PIK3R5: variants seen among roughly 807,000 people sequenced by gnomAD.
PIK3R5 encodes phosphoinositide-3-kinase regulatory subunit 5, also known as phosphoinositide 3-kinase regulatory subunit 5.
In PIK3R5, 32 loss-of-function variants were observed where a neutral mutation model predicts 94.9. That is an observed-to-expected ratio of 0.34 (90% CI 0.25 to 0.45). The LOEUF is 0.45. Ranked by LOEUF, PIK3R5 falls within the 20% of genes least tolerant of loss-of-function variation. PIK3R5 has a pLI of 1.00. For missense variants in PIK3R5, 853 were observed against 1,144.6 expected (o/e 0.75, Z 3.68); for synonymous variants, 443 against 479.4 (o/e 0.92, Z 0.99).
chr17:8,904,771 G>A lies in PIK3R5; in HGVS notation c.412+6C>T. ...TGTCCCCCGTGCCAGCTGCCTCAGTGCTTACCTGGGGCCTTGAGTTCAGCA... is the reference window on the plus strand; with the variant it reads ...TGTCCCCCGTGCCAGCTGCCTCAGTACTTACCTGGGGCCTTGAGTTCAGCA... On this transcript the variant is annotated splice_donor_region_variant and intron_variant, in intron 5 of 18. Coordinates refer to ENST00000447110, the MANE Select transcript of PIK3R5 (RefSeq NM_001142633.3). This position sits in a 1 kb window ranked among gnomAD's most constrained non-coding sequence, Gnocchi z 5.1. 1 of 1,614,034 alleles carries A rather than the reference G, an allele frequency of 6.2e-7. No homozygotes were observed. The highest frequency in any genetic ancestry group is 8.5e-7 in the Non-Finnish European group (1 of 1,179,930).
chr17:8,929,581 A>T (rs1351013679), intron 1 of PIK3R5, among the ~76,000 whole-genome samples: 1 of 152,188 alleles, frequency 6.6e-6, no homozygotes, highest in African/African-American at 2.4e-5. Context: ...ACATAGACAA[A>T]CTCATAATTA....
At chr17:8,895,982 C>A (rs1338370962) in intron 5 of PIK3R5, among the ~76,000 whole-genome samples, 1 of 152,136 alleles carries the variant, frequency 6.6e-6, no homozygotes, top group Admixed American at 6.5e-5. Context: ...GACCTCCCTG[C>A]TTAGCATGGG....
At chr17:8,922,790 G>T (rs1400665551) in intron 1 of PIK3R5, among the ~76,000 whole-genome samples, 4 of 152,110 alleles carry the variant, frequency 2.6e-5, no homozygotes, top group Non-Finnish European at 2.9e-5. Context: ...ACGGTAGCTA[G>T]TGGGCAGGAG....
intron 1 of PIK3R5, among the ~76,000 whole-genome samples, chr17:8,937,322 G>T (rs1249789710): frequency 6.6e-6 from 1 of 152,078 alleles, no homozygotes; most frequent in Non-Finnish European, 1.5e-5. Context: ...CTTTGCCTTG[G>T]TCCCAGTCTT....
intron 1 of PIK3R5, among the ~76,000 whole-genome samples, chr17:8,961,253 GGAA>G (rs2151485587): frequency 6.6e-6 from 1 of 152,300 alleles, no homozygotes; most frequent in South Asian, 2.1e-4. Context: ...CTACAGGAGA[GGAA>G]GAAGGAGGGG....
rs147319813 is a variant in PIK3R5 at position 8,958,395 on chromosome 17, A to G, written c.-14+7201T>C. On this transcript the variant is annotated intron_variant, in intron 1 of 18. Transcript: ENST00000447110. Reference sequence around the variant, plus strand: ...TTACTCCAGAAATGCAGAGGGCTCAATATGTGGAAGCTAATGATCTAATGT... The same window carrying G: ...TTACTCCAGAAATGCAGAGGGCTCAGTATGTGGAAGCTAATGATCTAATGT... 4.8e-3 allele frequency among the ~76,000 whole-genome samples: 734 copies of G among 152,326 alleles called. 4 individuals are homozygous for G. The highest frequency in any genetic ancestry group is 0.017 in the African/African-American group (692 of 41,588).
rs1364439098 is a variant in PIK3R5 at position 8,889,285 on chromosome 17, A to G, written c.812-63T>C. The G allele has an allele frequency of 4.0e-6, 5 of 1,245,340 alleles. No homozygotes were observed. The highest frequency in any genetic ancestry group is 3.5e-6 in the Non-Finnish European group (3 of 867,660). The allele number at this position is 1,245,340 out of a possible 1,614,324, so 77.1% of individuals were successfully genotyped here. Reference sequence around the variant, plus strand: ...AGAGGCCTTGGAGATTGGCCAGTCCAGTCCCCTTGCCTTGGAGAAGAGACC... The same window carrying G: ...AGAGGCCTTGGAGATTGGCCAGTCCGGTCCCCTTGCCTTGGAGAAGAGACC... On this transcript the variant is annotated intron_variant, in intron 8 of 18. Transcript: ENST00000447110. This position sits in a 1 kb window ranked among gnomAD's most constrained non-coding sequence, Gnocchi z 4.1.
At chr17:8,923,904 C>CCCCTT (rs1364324514) in intron 1 of PIK3R5, among the ~76,000 whole-genome samples, 3 of 131,164 alleles carry the variant, frequency 2.3e-5, no homozygotes, top group Non-Finnish European at 4.9e-5. Context: ...CCCCTCCCCT[C>CCCCTT]CCCTTCCCTT....
chr17:8,900,053 G>A (rs954998157), intron 5 of PIK3R5, among the ~76,000 whole-genome samples: 4 of 151,682 alleles, frequency 2.6e-5, no homozygotes, highest in African/African-American at 4.8e-5. Flanking sequence ...AAAAAAAATC[G>A]TGCGAAAGTA....
chr17:8,950,466 G>C (rs2091356879), intron 1 of PIK3R5, among the ~76,000 whole-genome samples: 1 of 152,120 alleles, frequency 6.6e-6, no homozygotes, highest in African/African-American at 2.4e-5. Context: ...CCCACTGAGA[G>C]TCCACAATGT....
chr17:8,901,155 T>C (rs2090273897), intron 5 of PIK3R5, among the ~76,000 whole-genome samples: 1 of 152,160 alleles, frequency 6.6e-6, no homozygotes, highest in Non-Finnish European at 1.5e-5. Flanking sequence ...ATGAAGGAGT[T>C]TGACCTTAAA....
Position 8,882,376 on chromosome 17 carries a change from G to A in PIK3R5, c.2206-495C>T, listed in dbSNP as rs141959299. ...AAACCTCTCCTGGGCTTTCGTGATG[G>A]CACCTTCCTGGTTTTTCTAGCGCCT... On this transcript the variant is annotated intron_variant, in intron 15 of 18. Coordinates refer to ENST00000447110, the MANE Select transcript of PIK3R5 (RefSeq NM_001142633.3). This position sits in a 1 kb window ranked among gnomAD's most constrained non-coding sequence, Gnocchi z 4.1. 4.0e-3 allele frequency: 652 copies of A among 163,964 alleles called. 7 individuals carry two copies. The highest frequency in any genetic ancestry group is 0.015 in the African/African-American group (615 of 41,704). The allele number at this position is 163,964 out of a possible 1,614,324, so 10.2% of individuals were successfully genotyped here. A position where few individuals can be genotyped will look rare whatever the true frequency, so the allele number is the denominator to read the frequency against.
At chr17:8,883,396 C>T (rs1256919029) in intron 15 of PIK3R5, among the ~76,000 whole-genome samples, 1 of 152,192 alleles carries the variant, frequency 6.6e-6, no homozygotes, top group Admixed American at 6.5e-5. Context: ...CCACAAAACT[C>T]CTTTCATTGC....
chr17:8,952,334 T>C (rs1479063457), intron 1 of PIK3R5, among the ~76,000 whole-genome samples: 3 of 152,276 alleles, frequency 2.0e-5, no homozygotes, highest in African/African-American at 4.8e-5. Flanking sequence ...TCTGTTACTA[T>C]GCCATTTAGT....
chr17:8,883,225 C>T (rs1270057618), intron 15 of PIK3R5, among the ~76,000 whole-genome samples: 1 of 152,122 alleles, frequency 6.6e-6, no homozygotes, highest in Non-Finnish European at 1.5e-5. Flanking sequence ...AAAAATTAGC[C>T]GGGTGTGGTG....
In PIK3R5 at chr17:8,893,046, C is replaced by CTGTGTG. The variant is rs199732856; in HGVS notation, c.482+534_482+539dup. ...GTAACCAGGATACATTTCATTTCAG[C>CTGTGTG]TGTGTGTGTGTGTGTGTGTGTGTGT... is the stretch of plus-strand genomic sequence containing the variant. On this transcript the variant is annotated intron_variant, in intron 6 of 18. Coordinates refer to ENST00000447110, the MANE Select transcript of PIK3R5 (RefSeq NM_001142633.3). This position sits in a 1 kb window ranked among gnomAD's most constrained non-coding sequence, Gnocchi z 5.1. 0.018 allele frequency among the ~76,000 whole-genome samples: 2,412 copies of CTGTGTG among 135,846 alleles called. 23 individuals are homozygous for CTGTGTG. The highest frequency in any genetic ancestry group is 0.021 in the Non-Finnish European group (1,329 of 64,278). 89.1% of individuals were successfully genotyped at this position (135,846 alleles called of 152,430 possible).
chr17:8,897,272 G>A (rs951063962), intron 5 of PIK3R5, among the ~76,000 whole-genome samples: 2 of 152,220 alleles, frequency 1.3e-5, no homozygotes, highest in Admixed American at 6.5e-5. Flanking sequence ...GCAGAGAGGG[G>A]GAAGGTGAGA....
chr17:8,905,623 T>C, intron 4 of PIK3R5, 46 bp downstream of exon 4: 4 of 1,452,536 alleles, frequency 2.8e-6, no homozygotes, highest in East Asian at 2.5e-5. Flanking sequence ...AGGTCGCTCC[T>C]CCCCCTCCTC....
chr17:8,889,257 G>T lies in PIK3R5; in HGVS notation c.812-35C>A. The stretch of plus-strand genomic sequence containing the variant: ...CAGGGAGGATAGGAGAAGAGGGCTG[G>T]GAAGAGGCCTTGGAGATTGGCCAGT... On this transcript the variant is annotated intron_variant, in intron 8 of 18. Transcript: ENST00000447110. The surrounding 1 kb of genome is among the most constrained non-coding windows in gnomAD (Gnocchi z 4.1). 1 of 1,550,310 alleles carries T rather than the reference G, an allele frequency of 6.5e-7. No individual in the cohort carries two copies. The highest frequency in any genetic ancestry group is 8.9e-7 in the Non-Finnish European group (1 of 1,127,390).
Sources: gnomAD v4.1 joint callset for allele counts (sites outside exome capture counted in the v4.1 genomes callset) on GRCh38, gnomAD v4.1.1 for gene constraint, Gnocchi (gnomAD v3.1) non-coding constraint, MANE v1.5 for transcripts, NCBI Gene and HGNC (gene_info 2026-07-23, HGNC 2026-07-21) for gene names.